TMCO6: variants seen among roughly 807,000 people sequenced by gnomAD.
The protein encoded by TMCO6 is transmembrane and coiled-coil domain-containing protein 6.
A neutral mutation model predicts 61.8 loss-of-function variants in TMCO6; 47 were observed. The ratio of observed to expected loss-of-function variants is 0.76; its 90% CI spans 0.60 to 0.97. TMCO6 has a LOEUF of 0.97. Among genes scored for constraint, TMCO6 ranks in the 50% least tolerant of loss-of-function variants. The pLI is 0.00. For missense variants in TMCO6, 557 were observed against 601.6 expected (o/e 0.93, Z 0.78); for synonymous variants, 261 against 254.2 (o/e 1.03, Z -0.25).
chr5:140,635,041 C>T (rs1756735312), upstream of TMCO6, among the ~76,000 whole-genome samples: 1 of 152,214 alleles, frequency 6.6e-6, no homozygotes. Context: ...CTCGGCCTCC[C>T]AAAGTGCTGG....
chr5:140,634,404 G>A, the TMCO6 span, among the ~76,000 whole-genome samples: 3 of 149,190 alleles, frequency 2.0e-5, no homozygotes, highest in African/African-American at 7.4e-5. Flanking sequence ...ATGTCCCAGA[G>A]AATAAGGAGC....
At chr5:140,598,409 C>T in the TMCO6 span, among the ~76,000 whole-genome samples, 1 of 152,202 alleles carries the variant, frequency 6.6e-6, no homozygotes, top group Admixed American at 6.5e-5. Flanking sequence ...GTGCTCATTC[C>T]AATTCCCTAT....
At chr5:140,613,187 G>C in the TMCO6 span, among the ~76,000 whole-genome samples, 1 of 151,950 alleles carries the variant, frequency 6.6e-6, no homozygotes, top group Non-Finnish European at 1.5e-5. Flanking sequence ...TCAAGAGCTC[G>C]AGAGCATCCT....
chr5:140,643,518 T>A, intron 7 of TMCO6, 46 bp from the exon 8 acceptor site: 1 of 1,554,454 alleles, frequency 6.4e-7, no homozygotes, highest in East Asian at 2.2e-5. Flanking sequence ...TTCTTAAAGG[T>A]GGAATTGACT....
Position 140,644,498 on chromosome 5 carries a change from C to G in TMCO6, c.1201-75C>G. The G allele has an allele frequency of 1.9e-6, 3 of 1,551,118 alleles. No homozygotes were observed. The South Asian group carries it at 3.6e-5, about 18-fold the overall frequency. ...GCATGGTGCCTGGGCATGTGGTCAC[C>G]ATGTCATATATTTTAGCTATTGTTA... On this transcript the variant is annotated intron_variant, in intron 10 of 11. Coordinates refer to ENST00000394671, the MANE Select transcript of TMCO6 (RefSeq NM_018502.5).
Position 140,639,794 on chromosome 5 carries a change from C to A in TMCO6, c.141C>A (p.Asn47Lys). Residue 47 changes from asparagine to lysine, a missense_variant, in exon 2 of 12, where the codon AAC becomes AAA. By Grantham distance (94) the Asn-to-Lys change is moderately conservative. Coordinates refer to ENST00000394671, the MANE Select transcript of TMCO6 (RefSeq NM_018502.5). ...TGGTCAGCAAGAGGCTGCTGAGAAA[C>A]GACGCCCCAGAGGAAGCTGGAGAGG... ...QQLVSKRLLR[N>K]DAPEEAGEGC... 1 of 1,609,676 alleles carries A rather than the reference C, an allele frequency of 6.2e-7. No homozygotes were observed. Among genetic ancestry groups the A allele is most frequent in the South Asian group, 1.1e-5 (1 of 89,770 alleles).
chr5:140,644,958 G>A (rs1757308095), intron 11 of TMCO6, 27 bp from the exon 12 acceptor site: 1 of 1,607,118 alleles, frequency 6.2e-7, no homozygotes, highest in East Asian at 2.2e-5. Flanking sequence ...GAGACCAGGT[G>A]TGTTGAATTT....
chr5:140,602,213 A>G, the TMCO6 span, among the ~76,000 whole-genome samples: 1 of 152,188 alleles, frequency 6.6e-6, no homozygotes, highest in East Asian at 1.9e-4. Flanking sequence ...CTTCCTTTTT[A>G]AAAAAGAACC....
At chr5:140,626,017 T>C in the TMCO6 span, among the ~76,000 whole-genome samples, 1 of 152,196 alleles carries the variant, frequency 6.6e-6, no homozygotes, top group Non-Finnish European at 1.5e-5. Flanking sequence ...ATTCCCAGTT[T>C]CCTTCTTTAG....
chr5:140,647,117 T>C (rs182083056), downstream of TMCO6: 2,396 of 966,852 alleles, frequency 2.5e-3, 3 homozygotes, highest in Non-Finnish European at 3.2e-3. Context: ...AATTTCTTCA[T>C]GGAAACAAGA....
the TMCO6 span, among the ~76,000 whole-genome samples, chr5:140,601,857 A>G: frequency 6.6e-6 from 1 of 152,210 alleles, no homozygotes; most frequent in African/African-American, 2.4e-5. Context: ...AGATTAAGTG[A>G]GTTAATAATA....
At chr5:140,640,077 T>G (rs1012755744) in intron 2 of TMCO6, among the ~76,000 whole-genome samples, 2 of 152,040 alleles carry the variant, frequency 1.3e-5, no homozygotes, top group African/African-American at 4.8e-5. Context: ...AGCTTTGGAG[T>G]CTTTACATGC....
At chr5:140,632,090 C>A in the TMCO6 span, 1 of 1,614,210 alleles carries the variant, frequency 6.2e-7, no homozygotes, top group South Asian at 1.1e-5. This position sits in a 1 kb window ranked among gnomAD's most constrained non-coding sequence, Gnocchi z 6.2. Context: ...GCACTCTGAG[C>A]TTGGCTGGCA....
downstream of TMCO6, chr5:140,647,541 C>T (rs773844456): frequency 1.9e-6 from 3 of 1,611,988 alleles, no homozygotes; most frequent in African/African-American, 2.7e-5. Flanking sequence ...TCACGCAGGC[C>T]CAGCTTTGCC....
Position 140,644,172 on chromosome 5 carries a change from T to C in TMCO6, c.1178T>C (p.Val393Ala), listed in dbSNP as rs763125103. 5.0e-6 allele frequency: 8 copies of C among 1,614,094 alleles called. No individual in the cohort carries two copies. Among genetic ancestry groups the C allele is most frequent in the Non-Finnish European group, 6.8e-6 (8 of 1,180,042 alleles). The change falls in exon 10 of 12, where the codon GTA becomes GCA. Residue 393 changes from valine to alanine, a missense_variant. By Grantham distance (64) the Val-to-Ala change is moderately conservative. Transcript: ENST00000394671. ...LIEPLLQLLP[V>A]SNVVSVMVLT... ...GAGCCTCTCTTACAGCTGTTGCCAG[T>C]ATCTAACGTGGTGAGCGTAATGGTA...
At chr5:140,618,968 A>G in the TMCO6 span, among the ~76,000 whole-genome samples, 1 of 152,194 alleles carries the variant, frequency 6.6e-6, no homozygotes, top group African/African-American at 2.4e-5. Flanking sequence ...GAAAGAATCG[A>G]TAATCTAAAT....
chr5:140,626,333 A>G, the TMCO6 span, among the ~76,000 whole-genome samples: 50,632 of 151,988 alleles, frequency 0.33, 9,157 homozygotes, highest in African/African-American at 0.46. Context: ...TTATAGAAAA[A>G]GATATCCAAT....
the TMCO6 span, among the ~76,000 whole-genome samples, chr5:140,628,892 G>T: frequency 6.6e-6 from 1 of 152,150 alleles, no homozygotes; most frequent in African/African-American, 2.4e-5. Context: ...AGTTACTAAC[G>T]AGCTAGTAGT....
chr5:140,605,673 C>G, the TMCO6 span, among the ~76,000 whole-genome samples: 2 of 149,634 alleles, frequency 1.3e-5, no homozygotes, highest in Non-Finnish European at 2.9e-5. Flanking sequence ...GAGCGAGACT[C>G]TGTCTCAAAA....
Sources: allele counts gnomAD v4.1 joint callset (sites outside exome capture counted in the v4.1 genomes callset), GRCh38; gene constraint gnomAD v4.1.1; non-coding constraint Gnocchi (gnomAD v3.1); transcripts MANE v1.5; gene names NCBI Gene and HGNC (gene_info 2026-07-23, HGNC 2026-07-21).